The following ZNF415 variants were observed in gnomAD, a reference collection of about 807,000 sequenced individuals.
ZNF415 encodes zinc finger protein 415.
In ZNF415, 5 loss-of-function variants were observed where a neutral mutation model predicts 7.3. The observed-to-expected ratio is 0.69, with a 90% CI of 0.36 to 1.44. The LOEUF is 1.44. ZNF415 is among the 40% of genes most tolerant of loss of function. The pLI, the probability that ZNF415 is intolerant of heterozygous loss-of-function variation, is 0.04. For synonymous variants in ZNF415, 207 were observed against 226.3 expected, an observed-to-expected ratio of 0.91 and a Z score of 0.77; for missense variants, 628 against 664.8, an observed-to-expected ratio of 0.94 and a Z score of 0.61.
chr19:53,109,910 T>C lies in ZNF415; in HGVS notation c.137-2A>G. ...TGATTACACAGTTACGAGACAGATCTATAAGAAATGAAAACCATAGGTTTC... is the reference window on the plus strand; with the variant it reads ...TGATTACACAGTTACGAGACAGATCCATAAGAAATGAAAACCATAGGTTTC... On this transcript the variant is annotated splice_acceptor_variant, in intron 3 of 3. Transcript: ENST00000243643. LOFTEE classifies it high-confidence loss of function. 10 of 1,555,304 alleles carry C rather than the reference T, an allele frequency of 6.4e-6. No homozygotes were observed. The highest frequency in any genetic ancestry group is 7.8e-6 in the Non-Finnish European group (9 of 1,157,846).
At chr19:53,129,989 C>T (rs553237221) in intron 1 of ZNF415, among the ~76,000 whole-genome samples, 18 of 151,156 alleles carry the variant, frequency 1.2e-4, no homozygotes, top group African/African-American at 4.1e-4. Flanking sequence ...CGCTTGAACC[C>T]GGGAGGCGGA....
chr19:53,115,770 T>C, intron 3 of ZNF415: 1 of 1,550,562 alleles, frequency 6.4e-7, no homozygotes, highest in Middle Eastern at 1.7e-4. Flanking sequence ...TGGCTTTCTA[T>C]GGTCCAGGGC....
At chr19:53,113,084 C>T (rs2086467944) in intron 3 of ZNF415, among the ~76,000 whole-genome samples, 1 of 35,074 alleles carries the variant, frequency 2.9e-5, no homozygotes, top group Non-Finnish European at 5.9e-5. Flanking sequence ...GAAACTCCAT[C>T]TTAAAAAAAA....
intron 3 of ZNF415, chr19:53,115,291 C>T: frequency 5.6e-6 from 1 of 178,806 alleles, no homozygotes; most frequent in Non-Finnish European, 1.2e-5. Flanking sequence ...GCCGAGATTG[C>T]ACCATTGCAC....
At chr19:53,117,260 G>A (rs2146371277) in intron 2 of ZNF415, among the ~76,000 whole-genome samples, 1 of 152,188 alleles carries the variant, frequency 6.6e-6, no homozygotes, top group African/African-American at 2.4e-5. Context: ...TGACCAACAT[G>A]GAGAAACCCC....
chr19:53,108,284 CTTGCCACA>C lies in ZNF415; in HGVS notation c.*85_*92del. 1.6e-6 allele frequency: 2 copies of C among 1,269,590 alleles called. No individual in the cohort carries two copies. The highest frequency in any genetic ancestry group is 1.1e-6 in the Non-Finnish European group (1 of 930,416). 78.6% of individuals were successfully genotyped at this position (1,269,590 alleles called of 1,614,324 possible). A position where few individuals can be genotyped will look rare whatever the true frequency, so the allele number is the denominator to read the frequency against. On this transcript the variant is annotated 3_prime_UTR_variant, in exon 4 of 4. Transcript: ENST00000243643. ...GTAGGAGTGAATTGTGACTGAAAAC[CTTGCCACA>C]TTTATTATACTTGTATGGTTTCTCT... is the stretch of plus-strand genomic sequence containing the variant.
chr19:53,108,394 G>A lies in ZNF415; in HGVS notation c.1651C>T (p.Pro551Ser). 1 of 1,607,580 alleles carries A rather than the reference G, an allele frequency of 6.2e-7. No individual in the cohort carries two copies. The highest frequency in any genetic ancestry group is 1.1e-5 in the South Asian group (1 of 89,854). The change falls in exon 4 of 4, where the codon CCT becomes TCT. Residue 551 changes from proline (P) to serine (S), a missense_variant. Coordinates refer to ENST00000243643, the MANE Select transcript of ZNF415 (RefSeq NM_018355.4). ...TTGCCATATTAATTTCTTTTATAAGGTTTCTCCTTAGTATGGATAATTTGA... is the reference window on the plus strand; with the variant it reads ...TTGCCATATTAATTTCTTTTATAAGATTTCTCCTTAGTATGGATAATTTGA... ...RHQIIHTKEK[P>S]YKRN
chr19:53,119,145 G>A (rs1161458435), intron 2 of ZNF415, among the ~76,000 whole-genome samples: 2 of 152,014 alleles, frequency 1.3e-5, no homozygotes, highest in Admixed American at 6.6e-5. Flanking sequence ...AGCTGGGTGT[G>A]GTGGTGGGCG....
intron 1 of ZNF415, chr19:53,129,823 G>A: frequency 2.6e-6 from 1 of 379,986 alleles, no homozygotes; most frequent in Admixed American, 4.5e-5. Flanking sequence ...CCAGCACTTC[G>A]AGGCTGAAGG....
chr19:53,111,255 C>T (rs1168806295), intron 3 of ZNF415, among the ~76,000 whole-genome samples: 1 of 151,936 alleles, frequency 6.6e-6, no homozygotes, highest in Non-Finnish European at 1.5e-5. Flanking sequence ...AACTGATTCA[C>T]CTGGCTCCTT....
intron 3 of ZNF415, among the ~76,000 whole-genome samples, chr19:53,114,665 G>C (rs1357800221): frequency 2.0e-5 from 3 of 152,176 alleles, no homozygotes; most frequent in Non-Finnish European, 4.4e-5. Flanking sequence ...CTAAGAGCCT[G>C]AAAGACTAAG....
rs1415147515 is a variant in ZNF415 at position 53,122,366 on chromosome 19, C to G, written c.15+296G>C. 2.0e-6 allele frequency: 3 copies of G among 1,530,750 alleles called. No homozygotes were observed. The African/African-American group carries it at 4.1e-5, about 21-fold the overall frequency. 94.8% of individuals were successfully genotyped at this position (1,530,750 alleles called of 1,614,324 possible). On this transcript the variant is annotated intron_variant, in intron 2 of 3. Coordinates refer to ENST00000243643, the MANE Select transcript of ZNF415 (RefSeq NM_018355.4). The stretch of plus-strand genomic sequence containing the variant: ...ATCCAAATGTGGCCCCTGAACAATC[C>G]CTGCTGCCCAACAGCACTGACACCA...
At chr19:53,114,465 G>A (rs1360435307) in intron 3 of ZNF415, among the ~76,000 whole-genome samples, 2 of 152,104 alleles carry the variant, frequency 1.3e-5, no homozygotes, top group Non-Finnish European at 2.9e-5. Context: ...ACCGCACCTG[G>A]TCAAAAGTTG....
rs1478609976 is a variant in ZNF415, at chr19:53,108,983, T to C, written c.1062A>G (p.Lys354=). ...TGCCACATTCATTGCATTTGTAAGGTTTCTTGCCACTATGAATTACCTGAT... is the reference window on the plus strand; with the variant it reads ...TGCCACATTCATTGCATTTGTAAGGCTTCTTGCCACTATGAATTACCTGAT... ...TNHQVIHSGK[K]PYKCNECGKV... Residue 354 remains lysine, a synonymous_variant, in exon 4 of 4, where the codon AAA becomes AAG. Coordinates refer to ENST00000243643, the MANE Select transcript of ZNF415 (RefSeq NM_018355.4). 6.2e-7 allele frequency: 1 copy of C among 1,614,176 alleles called. No homozygotes were observed. The highest frequency in any genetic ancestry group is 8.5e-7 in the Non-Finnish European group (1 of 1,180,028).
Position 53,118,509 on chromosome 19 carries a change from C to T in ZNF415, c.16-2076G>A, listed in dbSNP as rs969484724. On this transcript the variant is annotated intron_variant, in intron 2 of 3. Transcript: ENST00000243643. ...ACAGAATACACATTCTTTGCATCAG[C>T]GCATAGAACATTCTCCAAGACAGAC... Among the ~76,000 whole-genome samples, 151 of 152,262 alleles carry T rather than the reference C, an allele frequency of 9.9e-4. 2 individuals are homozygous for T. The highest frequency in any genetic ancestry group is 6.2e-4 in the South Asian group (3 of 4,828).
chr19:53,116,255 G>C, intron 3 of ZNF415, 58 bp downstream of exon 3: 1 of 1,559,678 alleles, frequency 6.4e-7, no homozygotes. Flanking sequence ...AGGCACACAA[G>C]GGAAAATGGA....
At chr19:53,127,757 G>C (rs938735202) in intron 1 of ZNF415, among the ~76,000 whole-genome samples, 1 of 151,488 alleles carries the variant, frequency 6.6e-6, no homozygotes, top group Admixed American at 6.6e-5. Context: ...CGTGCCTGTA[G>C]CCCCAGCTAC....
At chr19:53,128,594 C>T (rs1234024633) in intron 1 of ZNF415, among the ~76,000 whole-genome samples, 1 of 107,632 alleles carries the variant, frequency 9.3e-6, no homozygotes, top group African/African-American at 3.2e-5. Flanking sequence ...CACTGGGCCC[C>T]GCTGATGTGT....
intron 2 of ZNF415, among the ~76,000 whole-genome samples, chr19:53,121,682 A>G (rs1601205033): frequency 6.6e-6 from 1 of 151,802 alleles, no homozygotes; most frequent in Non-Finnish European, 1.5e-5. Context: ...CTCGGCCTCC[A>G]AAGTGCTGGG....
Sources: allele counts gnomAD v4.1 joint callset (sites outside exome capture counted in the v4.1 genomes callset), GRCh38; gene constraint gnomAD v4.1.1; transcripts MANE v1.5; gene names NCBI Gene and HGNC (gene_info 2026-07-23, HGNC 2026-07-21).